The following WDR44 variants were observed in gnomAD, a reference collection of about 807,000 sequenced individuals.
WDR44 encodes the protein WD repeat domain 44.
WDR44 carries 9 observed loss-of-function variants against 65.7 expected under a neutral mutation model. The observed-to-expected ratio is 0.14, with a 90% CI of 0.08 to 0.24. WDR44 has a LOEUF of 0.24. Ranked by LOEUF, WDR44 falls within the 10% of genes least tolerant of loss-of-function variation. The pLI, the probability that WDR44 is intolerant of heterozygous loss-of-function variation, is 1.00. For synonymous variants in WDR44, 220 were observed against 235.2 expected (o/e 0.94, Z 0.59); for missense variants, 425 against 670.9 (o/e 0.63, Z 4.05).
chrX:118,439,759 T>C (rs5956993), intron 14 of WDR44, among the ~76,000 whole-genome samples: 14,302 of 108,072 alleles, frequency 0.13, 1,096 homozygotes, highest in African/African-American at 0.28. Context: ...AGAATAATAA[T>C]CTTTGGCAAG....
chrX:118,436,352 A>C (rs948721799), intron 13 of WDR44, among the ~76,000 whole-genome samples: 1 of 112,277 alleles, frequency 8.9e-6, no homozygotes, highest in African/African-American at 3.2e-5. Flanking sequence ...AATAAAATGA[A>C]TAGATGCCTT....
Position 118,404,408 on chromosome X carries a change from C to T in WDR44, c.1345C>T (p.Arg449Cys). The change falls in exon 9 of 20, where the codon CGT becomes TGT. Residue 449 changes from arginine to cysteine, a missense_variant. Arg to Cys is a radical substitution (Grantham distance 180). This residue lies in a region of WDR44 where 77 missense variants were observed against 183.5 expected (regional missense o/e 0.42). Transcript: ENST00000254029. ...GCACCTTGCTGAGGAATATGGTGAA[C>T]GTGCTATAAATAAAGTTAAAAGTGT... ...AKHLAEEYGE[R>C]AINKVKSVRD... 8.3e-7 allele frequency: 1 copy of T among 1,203,170 alleles called. No homozygotes were observed. Among genetic ancestry groups the T allele is most frequent in the Non-Finnish European group, 1.1e-6 (1 of 891,862 alleles).
At chrX:118,430,267 G>A (rs1259906308) in intron 12 of WDR44, among the ~76,000 whole-genome samples, 1 of 109,349 alleles carries the variant, frequency 9.1e-6, no homozygotes, top group East Asian at 2.8e-4. Context: ...ATTTAGGCTG[G>A]GTGTGGTGGC....
chrX:118,448,618 AG>A (rs2057367534), intron 19 of WDR44, among the ~76,000 whole-genome samples: 1 of 111,661 alleles, frequency 9.0e-6, no homozygotes, highest in Non-Finnish European at 1.9e-5. Context: ...TAGGCTGCCT[AG>A]GAATAGGTCC....
In WDR44 at chrX:118,444,435, A is replaced by C. The variant is rs778925774; in HGVS notation, c.2588A>C (p.Glu863Ala). 8.3e-7 allele frequency: 1 copy of C among 1,211,378 alleles called. No individual in the cohort carries two copies. ...ATGTTATCTTTGGATGTGCAATCTG[A>C]AAAATCAGAAGGGAACGAGAAAAGT... Reference protein sequence around the residue: ...SLMLSLDVQSEKSEGNEKSED... With the variant: ...SLMLSLDVQSAKSEGNEKSED... The change falls in exon 19 of 20, where the codon GAA becomes GCA. Residue 863 changes from glutamate (E) to alanine (A), a missense_variant. By Grantham distance (107) the Glu-to-Ala change is moderately radical (BLOSUM62 -1). Around this residue, in one of 5 missense-constraint regions of WDR44, gnomAD observed 37 missense variants for 40.9 expected, o/e 0.90. Transcript: ENST00000254029.
At chrX:118,372,954 G>A (rs1017984970) in intron 1 of WDR44, among the ~76,000 whole-genome samples, 5 of 110,706 alleles carry the variant, frequency 4.5e-5, no homozygotes, top group African/African-American at 1.6e-4. Context: ...CCGGGCTTGG[G>A]GGCGGGCACC....
chrX:118,449,008 A>C lies in WDR44; in HGVS notation c.*21A>C. ...CTTAATTTGAAATGGCATTTAAAAT[A>C]AACATATCAGTAAGTTTCTATATGT... On this transcript the variant is annotated 3_prime_UTR_variant, in exon 20 of 20. Coordinates refer to ENST00000254029, the MANE Select transcript of WDR44 (RefSeq NM_019045.5). 9.5e-7 allele frequency: 1 copy of C among 1,055,536 alleles called. No homozygotes were observed. The highest frequency in any genetic ancestry group is 1.3e-6 in the Non-Finnish European group (1 of 764,781). 87.0% of individuals were successfully genotyped at this position (1,055,536 alleles called of 1,213,427 possible). A position where few individuals can be genotyped will look rare whatever the true frequency, so the allele number is the denominator to read the frequency against.
chrX:118,350,327 G>GT lies in WDR44; in HGVS notation c.77+3750dup, dbSNP rs1235450675. ...GGAGCTAGGTCTAGAACCCGGATCAGTTTGACTGTCTGGCGTTCTTTCTGC... is the reference window on the plus strand; with the variant it reads ...GGAGCTAGGTCTAGAACCCGGATCAGTTTTGACTGTCTGGCGTTCTTTCTGC... On this transcript the variant is annotated intron_variant, in intron 1 of 19. Transcript: ENST00000254029. 2.7e-5 allele frequency among the ~76,000 whole-genome samples: 3 copies of GT among 111,780 alleles called. No homozygotes were observed. The South Asian group carries it at 1.1e-3, about 42-fold the overall frequency.
At chrX:118,384,975 T>C (rs1394728233) in intron 2 of WDR44, among the ~76,000 whole-genome samples, 1 of 111,743 alleles carries the variant, frequency 8.9e-6, no homozygotes, top group Non-Finnish European at 1.9e-5. Context: ...GCTTGGCTGT[T>C]ATTAGTGTAT....
chrX:118,382,530 C>G (rs1344175598), intron 2 of WDR44, among the ~76,000 whole-genome samples: 1 of 112,183 alleles, frequency 8.9e-6, no homozygotes, highest in Non-Finnish European at 1.9e-5. Flanking sequence ...CTTCCCTTCC[C>G]TTACTACTAA....
At chrX:118,429,969 G>A (rs1314831979) in intron 12 of WDR44, among the ~76,000 whole-genome samples, 3 of 111,027 alleles carry the variant, frequency 2.7e-5, no homozygotes, top group African/African-American at 9.8e-5. Context: ...TAGCAGAAAA[G>A]TTGGAAATGT....
intron 1 of WDR44, among the ~76,000 whole-genome samples, chrX:118,357,716 T>C (rs925420214): frequency 9.1e-5 from 10 of 110,100 alleles, no homozygotes; most frequent in African/African-American, 3.0e-4. Context: ...ACCCTGTCTC[T>C]AACATTTTTT....
intron 10 of WDR44, 45 bp from the exon 11 acceptor site, chrX:118,409,444 T>C (rs1214905105): frequency 7.6e-6 from 9 of 1,188,163 alleles, no homozygotes; most frequent in African/African-American, 3.6e-5. Context: ...GTAAAGTCTC[T>C]AAAGGTGTAA....
intron 2 of WDR44, among the ~76,000 whole-genome samples, chrX:118,383,832 C>T (rs1395746985): frequency 1.1e-5 from 1 of 89,446 alleles, no homozygotes; most frequent in Non-Finnish European, 2.2e-5. Flanking sequence ...TCAAGGTTAT[C>T]TTATCAATTG....
chrX:118,369,618 A>ACGTG (rs2056593787), intron 1 of WDR44, among the ~76,000 whole-genome samples: 1 of 99,138 alleles, frequency 1.0e-5, no homozygotes, highest in Non-Finnish European at 2.0e-5. Context: ...ACAGGCGCCC[A>ACGTG]CCACCACGCC....
Position 118,392,909 on chromosome X carries a change from C to T in WDR44, c.464C>T (p.Thr155Met), listed in dbSNP as rs149132357. 741 of 1,210,926 alleles carry T rather than the reference C, an allele frequency of 6.1e-4. 4 individuals are homozygous for T. Among genetic ancestry groups the T allele is most frequent in the Non-Finnish European group, 1.0e-4 (90 of 895,458 alleles). The change falls in exon 4 of 20, where the codon ACG (threonine) becomes ATG (methionine). Residue 155 changes from threonine to methionine, a missense_variant. By Grantham distance (81) the Thr-to-Met change is moderately conservative. Around this residue, in one of 5 missense-constraint regions of WDR44, gnomAD observed 193 missense variants for 209.0 expected, o/e 0.92. Transcript: ENST00000254029. Reference protein sequence around the residue: ...ETCEKPVDETTKLTQTSSTEQ... With the variant: ...ETCEKPVDETMKLTQTSSTEQ... The stretch of plus-strand genomic sequence containing the variant: ...TGTGAGAAACCAGTAGATGAAACCA[C>T]GAAGTTAACTCAAACAAGTTCAACT...
intron 14 of WDR44, among the ~76,000 whole-genome samples, chrX:118,437,048 A>G (rs992892805): frequency 3.6e-5 from 4 of 112,100 alleles, no homozygotes; most frequent in African/African-American, 9.7e-5. Flanking sequence ...TTATTAAGAC[A>G]TGCAAGGTAT....
At chrX:118,391,445 C>T (rs1247661810) in intron 3 of WDR44, among the ~76,000 whole-genome samples, 2 of 111,724 alleles carry the variant, frequency 1.8e-5, no homozygotes, top group Non-Finnish European at 3.8e-5. Flanking sequence ...TATTACTGAG[C>T]AGCAGTAATA....
chrX:118,371,997 C>CTTT (rs754818345), intron 1 of WDR44, among the ~76,000 whole-genome samples: 9 of 93,054 alleles, frequency 9.7e-5, no homozygotes, highest in Admixed American at 3.5e-4. Context: ...TTTTTTATTT[C>CTTT]TTTTTTTTTT....
Sources: gnomAD v4.1 joint callset for allele counts (sites outside exome capture counted in the v4.1 genomes callset) on GRCh38, gnomAD v4.1.1 for gene constraint, gnomAD v4.1.1 regional missense constraint, MANE v1.5 for transcripts, NCBI Gene and HGNC (gene_info 2026-07-23, HGNC 2026-07-21) for gene names.